The following LTBP1 variants were observed in gnomAD, a reference collection of about 807,000 sequenced individuals.
The protein encoded by LTBP1 is latent-transforming growth factor beta-binding protein 1.
A neutral mutation model predicts 207.6 loss-of-function variants in LTBP1; 129 were observed. That is an observed-to-expected ratio of 0.62 (90% CI 0.54 to 0.72). LTBP1 has a LOEUF of 0.72. Ranked by LOEUF, LTBP1 falls within the 30% of genes least tolerant of loss-of-function variation. The pLI is 0.00. For missense variants in LTBP1, 2,281 were observed against 2,217.2 expected (o/e 1.03, Z -0.58); for synonymous variants, 963 against 833.7 (o/e 1.16, Z -2.67).
chr2:33,266,518 C>T (rs1201024571), intron 15 of LTBP1, among the ~76,000 whole-genome samples: 1 of 152,122 alleles, frequency 6.6e-6, no homozygotes, highest in Non-Finnish European at 1.5e-5. Context: ...AGAGTGAAGA[C>T]TTCATCGATA....
intron 2 of LTBP1, among the ~76,000 whole-genome samples, chr2:33,018,879 C>A (rs918529877): frequency 2.7e-5 from 4 of 148,440 alleles, no homozygotes; most frequent in African/African-American, 9.9e-5. Flanking sequence ...TTTTTTTTTT[C>A]TTTTAGAGAA....
intron 7 of LTBP1, among the ~76,000 whole-genome samples, chr2:33,210,150 A>G (rs1021662685): frequency 6.6e-6 from 1 of 152,218 alleles, no homozygotes. Context: ...CTGCAAGGCA[A>G]GTAGATATCT....
At chr2:33,272,874 A>T (rs1245034153) in intron 15 of LTBP1, among the ~76,000 whole-genome samples, 1 of 151,914 alleles carries the variant, frequency 6.6e-6, no homozygotes, top group Admixed American at 6.6e-5. Context: ...TTTTTTTTTG[A>T]TGGACTCCAC....
intron 24 of LTBP1, among the ~76,000 whole-genome samples, chr2:33,323,050 A>G (rs572671894): frequency 3.3e-5 from 5 of 152,258 alleles, no homozygotes; most frequent in Admixed American, 2.0e-4. Flanking sequence ...ATGCTACTCA[A>G]TTTATGATAG....
intron 10 of LTBP1, among the ~76,000 whole-genome samples, chr2:33,246,417 T>C (rs946586631): frequency 6.6e-6 from 1 of 151,850 alleles, no homozygotes; most frequent in Non-Finnish European, 1.5e-5. Context: ...GAAAAGATAA[T>C]GGTATTTTTG....
chr2:33,094,598 T>G (rs1411153383), intron 3 of LTBP1, among the ~76,000 whole-genome samples: 3 of 152,180 alleles, frequency 2.0e-5, no homozygotes, highest in Non-Finnish European at 4.4e-5. Flanking sequence ...ATCACATGAG[T>G]TACAGATAAG....
chr2:33,364,138 A>C, intron 29 of LTBP1, 78 bp from the exon 30 acceptor site: 3 of 1,392,830 alleles, frequency 2.2e-6, no homozygotes, highest in Non-Finnish European at 3.0e-6. Context: ...TAAATATAGC[A>C]ATGTGTAAAG....
At chr2:33,295,964 A>T (rs1420116710) in intron 20 of LTBP1, among the ~76,000 whole-genome samples, 1 of 152,156 alleles carries the variant, frequency 6.6e-6, no homozygotes, top group Non-Finnish European at 1.5e-5. Context: ...TCCTAGTGGA[A>T]CATCTAACGT....
At chr2:33,123,196 G>A (rs1024271022) in intron 4 of LTBP1, among the ~76,000 whole-genome samples, 8 of 152,248 alleles carry the variant, frequency 5.3e-5, no homozygotes, top group East Asian at 1.9e-4. Context: ...CCTGGCCTGC[G>A]GGTTACTAGG....
rs622716 is a variant in LTBP1 at position 33,398,667 on chromosome 2, A to G, written c.*122A>G. 0.78 allele frequency: 744,393 copies of G among 951,672 alleles called. 292,319 individuals carry two copies. The highest frequency in any genetic ancestry group is 0.89 in the African/African-American group (53,861 of 60,262). The allele number at this position is 951,672 out of a possible 1,614,324, so 59.0% of individuals were successfully genotyped here. ...GCTGGAAATACAGAAACAGCATGGAATTGCAAGTCCTCTGAAGACAATGAG... is the reference window on the plus strand; with the variant it reads ...GCTGGAAATACAGAAACAGCATGGAGTTGCAAGTCCTCTGAAGACAATGAG... On this transcript the variant is annotated 3_prime_UTR_variant, in exon 34 of 34. Transcript: ENST00000404816.
At chr2:33,039,280 C>G (rs2076070992) in intron 3 of LTBP1, among the ~76,000 whole-genome samples, 1 of 151,686 alleles carries the variant, frequency 6.6e-6, no homozygotes, top group South Asian at 2.1e-4. Flanking sequence ...TGCTTTTACT[C>G]CAGTAGCATC....
chr2:33,283,549 A>G (rs749697330), intron 19 of LTBP1, among the ~76,000 whole-genome samples: 10 of 141,648 alleles, frequency 7.1e-5, no homozygotes, highest in Non-Finnish European at 1.3e-4. Flanking sequence ...CCATTCTCCT[A>G]CCTCAGCCTC....
At chr2:33,014,626 C>G (rs1369027917) in intron 2 of LTBP1, among the ~76,000 whole-genome samples, 1 of 152,158 alleles carries the variant, frequency 6.6e-6, no homozygotes, top group East Asian at 1.9e-4. Flanking sequence ...TGGACTGAGA[C>G]AAGTTTTAAA....
chr2:33,287,016 G>T (rs893483299), intron 19 of LTBP1, among the ~76,000 whole-genome samples: 2 of 152,094 alleles, frequency 1.3e-5, no homozygotes, highest in Non-Finnish European at 2.9e-5. Context: ...CACCAACATG[G>T]CACATGTATA....
intron 5 of LTBP1, among the ~76,000 whole-genome samples, chr2:33,185,246 T>C (rs992830031): frequency 1.3e-5 from 2 of 152,140 alleles, no homozygotes; most frequent in Non-Finnish European, 2.9e-5. Flanking sequence ...AGTTGACATC[T>C]TTGGTGAATG....
intron 4 of LTBP1, among the ~76,000 whole-genome samples, chr2:33,113,541 T>C (rs2080538750): frequency 6.6e-6 from 1 of 152,220 alleles, no homozygotes; most frequent in East Asian, 1.9e-4. Flanking sequence ...GACTATTTTA[T>C]GGGATTTTCC....
Position 33,315,353 on chromosome 2 carries a change from CT to C in LTBP1, c.3730+85del, listed in dbSNP as rs2094253783. On this transcript the variant is annotated intron_variant, in intron 24 of 33. Coordinates refer to ENST00000404816, the MANE Select transcript of LTBP1 (RefSeq NM_206943.4). Reference sequence around the variant, plus strand: ...TCACTTATACAAAGACTTGAAGACACTAAGAGGTACTGCATAATTCAGAGCC... The same window carrying C: ...TCACTTATACAAAGACTTGAAGACACAAGAGGTACTGCATAATTCAGAGCC... 4.6e-6 allele frequency: 7 copies of C among 1,514,714 alleles called. No individual in the cohort carries two copies. The East Asian group carries it at 1.6e-4, about 34-fold the overall frequency. 93.8% of individuals were successfully genotyped at this position (1,514,714 alleles called of 1,614,324 possible).
intron 3 of LTBP1, among the ~76,000 whole-genome samples, chr2:33,040,959 G>A (rs1263139129): frequency 2.6e-5 from 4 of 152,136 alleles, no homozygotes; most frequent in African/African-American, 4.8e-5. Context: ...CACTGTGCTG[G>A]TACCTACCAG....
At chr2:33,298,217 C>T (rs1017063938) in intron 20 of LTBP1, among the ~76,000 whole-genome samples, 2 of 152,154 alleles carry the variant, frequency 1.3e-5, no homozygotes, top group African/African-American at 2.4e-5. Context: ...ATCTTTGTTC[C>T]CTTGGTCATT....
Sources: gnomAD v4.1 joint callset for allele counts (sites outside exome capture counted in the v4.1 genomes callset) on GRCh38, gnomAD v4.1.1 for gene constraint, MANE v1.5 for transcripts, NCBI Gene and HGNC (gene_info 2026-07-23, HGNC 2026-07-21) for gene names.